Variants in MFSD11 observed in about 807,000 individuals in gnomAD.
MFSD11 encodes major facilitator superfamily domain containing 11.
A neutral mutation model predicts 53.5 loss-of-function variants in MFSD11; 36 were observed. The ratio of observed to expected loss-of-function variants is 0.67; its 90% CI spans 0.52 to 0.89. The LOEUF (loss-of-function observed/expected upper bound fraction) is 0.89, where lower values mean the gene tolerates loss of function less well. MFSD11 is among the 40% of genes least tolerant of loss of function. MFSD11 has a pLI of 0.00. For synonymous variants in MFSD11, 186 were observed against 184.9 expected (o/e 1.01, Z -0.05); for missense variants, 530 against 543.9 (o/e 0.97, Z 0.25).
At position 76,739,134 on chromosome 17, in the gene MFSD11, A is replaced by G. The variant is rs78149523; in HGVS notation, c.152+141A>G. The G allele has an allele frequency of 1.7e-3, 1,125 of 665,988 alleles. 7 individuals are homozygous for G. The highest frequency in any genetic ancestry group is 0.015 in the South Asian group (821 of 53,438). The allele number at this position is 665,988 out of a possible 1,614,324, so 41.3% of individuals were successfully genotyped here. ...CTCAGTGCCTAGACTGAGAGAACAT[A>G]ATAGAATAAAGCTGATGAGTTTAGG... On this transcript the variant is annotated intron_variant, in intron 2 of 12. Transcript: ENST00000685175.
chr17:76,764,676 A>T (rs2080650274), intron 8 of MFSD11, among the ~76,000 whole-genome samples: 1 of 150,786 alleles, frequency 6.6e-6, no homozygotes, highest in Admixed American at 6.6e-5. Context: ...TGTCTTTGCT[A>T]TATAATTAAT....
rs1324156634 is a variant in MFSD11, at chr17:76,755,780, G to GTATACATA, written c.682+1694_682+1695insATACATAT. On this transcript the variant is annotated intron_variant, in intron 8 of 12. Coordinates refer to ENST00000685175, the MANE Select transcript of MFSD11 (RefSeq NM_001242532.5). ...TATGTATATATGTACGTGTGTGTGT[G>GTATACATA]TGTGTGTATACATATATATATATAT... Among the ~76,000 whole-genome samples, 82 of 67,790 alleles carry GTATACATA rather than the reference G, an allele frequency of 1.2e-3. 1 individual carries two copies. The highest frequency in any genetic ancestry group is 0.011 in the Middle Eastern group (1 of 90). The allele number at this position is 67,790 out of a possible 152,430, so 44.5% of individuals were successfully genotyped here. A position where few individuals can be genotyped will look rare whatever the true frequency, so the allele number is the denominator to read the frequency against.
intron 11 of MFSD11, among the ~76,000 whole-genome samples, 195 bp downstream of exon 11, chr17:76,775,366 G>A (rs1014106386): frequency 1.2e-4 from 18 of 152,090 alleles, no homozygotes; most frequent in Admixed American, 5.9e-4. Flanking sequence ...TGTAATAGTT[G>A]GTTTTAACCT....
Position 76,769,819 on chromosome 17 carries a change from G to A in MFSD11, c.822G>A (p.Glu274=). Residue 274 remains glutamate, a synonymous_variant, in exon 10 of 13, where the codon GAG becomes GAA. Transcript: ENST00000685175. ...IGATNKFGAE[E]KSLIGLSGIF... ...CTACAAATAAATTTGGAGCAGAAGAGAAAAGCCTTATTGGACTTTCTGGCA... is the reference window on the plus strand; with the variant it reads ...CTACAAATAAATTTGGAGCAGAAGAAAAAAGCCTTATTGGACTTTCTGGCA... 1.2e-6 allele frequency: 2 copies of A among 1,613,164 alleles called. No individual in the cohort carries two copies.
At chr17:76,788,492 A>G in the MFSD11 span, among the ~76,000 whole-genome samples, 2 of 148,666 alleles carry the variant, frequency 1.3e-5, no homozygotes, top group African/African-American at 2.5e-5. Flanking sequence ...CAACCTCCCA[A>G]GTAGCTGGGA....
At chr17:76,752,536 C>T (rs1264690477) in intron 7 of MFSD11, among the ~76,000 whole-genome samples, 1 of 151,960 alleles carries the variant, frequency 6.6e-6, no homozygotes, top group Non-Finnish European at 1.5e-5. Context: ...CACCACCACA[C>T]CCTGCTAAAT....
At chr17:76,737,075 G>A (rs2077540071), upstream of MFSD11, 1 of 1,612,946 alleles carries the variant, frequency 6.2e-7, no homozygotes, top group Non-Finnish European at 8.5e-7. Context: ...GCGCCTCAGC[G>A]TGTCGGGCGA....
In MFSD11 at chr17:76,775,122, C is replaced by G; in HGVS notation, c.1000C>G (p.Pro334Ala). 6.2e-7 allele frequency: 1 copy of G among 1,613,962 alleles called. No individual in the cohort carries two copies. The highest frequency in any genetic ancestry group is 8.5e-7 in the Non-Finnish European group (1 of 1,179,912). Residue 334 changes from proline to alanine, a missense_variant, in exon 11 of 13, where the codon CCG (proline) becomes GCG (alanine). Physicochemically the swap from Pro to Ala is conservative, Grantham distance 27 (BLOSUM62 -1). Coordinates refer to ENST00000685175, the MANE Select transcript of MFSD11 (RefSeq NM_001242532.5). Reference protein sequence around the residue: ...LIFLNMPGDAPIAPVKGTDSS... With the variant: ...LIFLNMPGDAAIAPVKGTDSS... ...ATTTCTCAACATGCCTGGAGATGCCCCGATTGCTCCTGTTAAAGGAACTGA... is the reference window on the plus strand; with the variant it reads ...ATTTCTCAACATGCCTGGAGATGCCGCGATTGCTCCTGTTAAAGGAACTGA...
intron 7 of MFSD11, among the ~76,000 whole-genome samples, chr17:76,746,408 T>G (rs2078545695): frequency 6.6e-6 from 1 of 152,264 alleles, no homozygotes; most frequent in Non-Finnish European, 1.5e-5. Flanking sequence ...CCAGAAGATC[T>G]GGCCATTATA....
chr17:76,785,663 C>T (rs995664712), downstream of MFSD11, among the ~76,000 whole-genome samples: 3 of 152,100 alleles, frequency 2.0e-5, no homozygotes, highest in African/African-American at 7.2e-5. Flanking sequence ...TACAAAGTTT[C>T]TGTTGTGCAA....
intron 8 of MFSD11, among the ~76,000 whole-genome samples, chr17:76,765,660 C>T (rs184325987): frequency 8.6e-5 from 13 of 151,804 alleles, no homozygotes; most frequent in Admixed American, 8.5e-4. Flanking sequence ...GACAGGATTT[C>T]GCCATGTTGC....
the MFSD11 span, among the ~76,000 whole-genome samples, chr17:76,800,029 C>T: frequency 6.8e-6 from 1 of 146,538 alleles, no homozygotes; most frequent in Non-Finnish European, 1.5e-5. Context: ...GATCTTGGCT[C>T]ACTACAACCT....
chr17:76,796,980 C>T, the MFSD11 span, among the ~76,000 whole-genome samples: 1 of 151,886 alleles, frequency 6.6e-6, no homozygotes, highest in Non-Finnish European at 1.5e-5. Context: ...CCAGCCTGAC[C>T]AACATGGTGG....
At chr17:76,790,566 C>G in the MFSD11 span, among the ~76,000 whole-genome samples, 1 of 147,350 alleles carries the variant, frequency 6.8e-6, no homozygotes, top group Non-Finnish European at 1.5e-5. Flanking sequence ...AATCCACCTG[C>G]TTCAGCTTCC....
intron 3 of MFSD11, among the ~76,000 whole-genome samples, chr17:76,741,442 T>C (rs1284520846): frequency 6.6e-6 from 1 of 152,288 alleles, no homozygotes; most frequent in East Asian, 1.9e-4. Flanking sequence ...CAAAGAACAC[T>C]GCAAACCTGT....
chr17:76,746,705 T>A (rs1418860860), intron 7 of MFSD11, among the ~76,000 whole-genome samples: 1 of 152,148 alleles, frequency 6.6e-6, no homozygotes, highest in East Asian at 1.9e-4. Flanking sequence ...GGTAGCACAT[T>A]TGTTTACGGC....
chr17:76,758,470 C>G (rs114543690), intron 8 of MFSD11, among the ~76,000 whole-genome samples: 3,981 of 150,710 alleles, frequency 0.026, 164 homozygotes, highest in African/African-American at 0.086. Flanking sequence ...GCAGCCCCAG[C>G]TACTTGGGAG....
intron 12 of MFSD11, among the ~76,000 whole-genome samples, chr17:76,777,192 C>T (rs927587727): frequency 7.4e-5 from 11 of 149,432 alleles, no homozygotes; most frequent in African/African-American, 2.0e-4. Flanking sequence ...GGTGTGAACC[C>T]GGGAGGCGGA....
chr17:76,783,474 C>T (rs8080150), downstream of MFSD11, among the ~76,000 whole-genome samples: 4,902 of 152,214 alleles, frequency 0.032, 265 homozygotes, highest in African/African-American at 0.11. Context: ...ACCAGGGCTT[C>T]GGCTGCCCAC....
Sources: allele counts gnomAD v4.1 joint callset (sites outside exome capture counted in the v4.1 genomes callset), GRCh38; gene constraint gnomAD v4.1.1; transcripts MANE v1.5; gene names NCBI Gene and HGNC (gene_info 2026-07-23, HGNC 2026-07-21).